Variants in ZNF563 observed in about 807,000 individuals in gnomAD.
ZNF563 encodes the protein zinc finger protein 563.
Under a neutral mutation model 48.5 loss-of-function variants are expected in ZNF563, and 39 were observed. The observed-to-expected ratio is 0.80, with a 90% confidence interval of 0.62 to 1.05. The LOEUF (loss-of-function observed/expected upper bound fraction) is 1.05. Among genes scored for constraint, ZNF563 ranks in the 50% least tolerant of loss-of-function variants. The probability of loss-of-function intolerance (pLI) is 0.00; values close to 1 mark genes in which losing one functional copy is unlikely to be tolerated. For synonymous variants in ZNF563, 168 were observed against 187.9 expected (o/e 0.89, Z 0.87); for missense variants, 538 against 597.0 (o/e 0.90, Z 1.03).
At chr19:12,326,707 A>C (rs1227572524) in intron 1 of ZNF563, among the ~76,000 whole-genome samples, 1 of 152,164 alleles carries the variant, frequency 6.6e-6, no homozygotes, top group Non-Finnish European at 1.5e-5. Flanking sequence ...GAAGCGGGAA[A>C]GGTCAGGGGA....
At chr19:12,333,360 G>T in intron 1 of ZNF563, 120 bp downstream of exon 1, 1 of 1,376,738 alleles carries the variant, frequency 7.3e-7, no homozygotes. Context: ...TGCGCCAGGG[G>T]GACTCGGGTC....
In ZNF563 at chr19:12,318,386, C is replaced by A; in HGVS notation, c.*208G>T. On this transcript the variant is annotated 3_prime_UTR_variant, in exon 4 of 4. Transcript: ENST00000293725. ...TGCTCTGTGAGTTGTTTTATGTTGACAATGGTGTTAAAAAAAAATCGATCA... is the reference window on the plus strand; with the variant it reads ...TGCTCTGTGAGTTGTTTTATGTTGAAAATGGTGTTAAAAAAAAATCGATCA... 3.4e-6 allele frequency: 2 copies of A among 595,556 alleles called. No homozygotes were observed. Among genetic ancestry groups the A allele is most frequent in the South Asian group, 2.2e-5 (1 of 45,070 alleles). The allele number at this position is 595,556 out of a possible 1,614,324, so 36.9% of individuals were successfully genotyped here.
At chr19:12,319,858 C>T (rs1219167644) in intron 3 of ZNF563, 25 bp from the exon 4 acceptor site, 16 of 1,582,614 alleles carry the variant, frequency 1.0e-5, no homozygotes, top group Non-Finnish European at 1.4e-5. Context: ...TAGTACGTTA[C>T]TAAATAGTTG....
rs1968614791 is a variant in ZNF563, at chr19:12,321,264, C to A, written c.191+8G>T. On this transcript the variant is annotated splice_region_variant and intron_variant, in intron 3 of 3. Transcript: ENST00000293725. ...GAAACATAACTTTCTCCTGTGAGTGCAAATTACCTTAGATTTCTCCTAGGA... is the reference window on the plus strand; with the variant it reads ...GAAACATAACTTTCTCCTGTGAGTGAAAATTACCTTAGATTTCTCCTAGGA... The A allele has an allele frequency of 1.9e-6, 3 of 1,563,974 alleles. No homozygotes were observed. The highest frequency in any genetic ancestry group is 2.6e-6 in the Non-Finnish European group (3 of 1,154,426).
intron 1 of ZNF563, among the ~76,000 whole-genome samples, chr19:12,324,676 T>C (rs1968732707): frequency 7.3e-6 from 1 of 136,934 alleles, no homozygotes. Flanking sequence ...GAGATTGCGC[T>C]ATCGCACTTC....
chr19:12,319,972 A>G, intron 3 of ZNF563, 139 bp from the exon 4 acceptor site: 1 of 775,506 alleles, frequency 1.3e-6, no homozygotes, highest in Non-Finnish European at 2.0e-6. Context: ...GCTAGAGTGC[A>G]GCGGCACGAT....
the ZNF563 span, among the ~76,000 whole-genome samples, chr19:12,339,053 G>C: frequency 6.6e-6 from 1 of 152,090 alleles, no homozygotes; most frequent in African/African-American, 2.4e-5. Flanking sequence ...TGGCAGTGGG[G>C]TCTCTCAGGA....
the ZNF563 span, among the ~76,000 whole-genome samples, chr19:12,341,557 A>G: frequency 6.6e-6 from 1 of 152,158 alleles, no homozygotes; most frequent in Non-Finnish European, 1.5e-5. Context: ...CAAATAGAAC[A>G]GGGGGGGCTA....
At chr19:12,322,392 T>C (rs1968653538) in intron 2 of ZNF563, among the ~76,000 whole-genome samples, 193 bp downstream of exon 2, 1 of 152,202 alleles carries the variant, frequency 6.6e-6, no homozygotes, top group African/African-American at 2.4e-5. Flanking sequence ...TGCTGGTCAA[T>C]GGCGGCTTAA....
At chr19:12,329,696 C>T (rs1480041155) in intron 1 of ZNF563, among the ~76,000 whole-genome samples, 3 of 152,026 alleles carry the variant, frequency 2.0e-5, no homozygotes, top group Admixed American at 2.0e-4. Context: ...ATAGAAGACA[C>T]AGTCTACCAA....
intron 1 of ZNF563, among the ~76,000 whole-genome samples, chr19:12,326,470 C>A (rs186046532): frequency 6.6e-6 from 1 of 152,190 alleles, no homozygotes; most frequent in East Asian, 1.9e-4. Context: ...ATGGTGAAAT[C>A]TCGTCTCTAA....
the ZNF563 span, among the ~76,000 whole-genome samples, chr19:12,342,852 G>T: frequency 0.026 from 3,948 of 151,636 alleles, 55 homozygotes; most frequent in Non-Finnish European, 0.041. Flanking sequence ...TAACACATCA[G>T]AACTTATGAG....
At chr19:12,341,581 C>A in the ZNF563 span, among the ~76,000 whole-genome samples, 1 of 152,042 alleles carries the variant, frequency 6.6e-6, no homozygotes, top group Non-Finnish European at 1.5e-5. Context: ...CACTATCATA[C>A]AAAATAGAAT....
chr19:12,328,146 T>C (rs1211141658), intron 1 of ZNF563, among the ~76,000 whole-genome samples: 1 of 152,168 alleles, frequency 6.6e-6, no homozygotes, highest in Non-Finnish European at 1.5e-5. Flanking sequence ...GTCACCAAGA[T>C]GCACAAAATT....
At position 12,318,873 on chromosome 19, in the gene ZNF563, C is replaced by G. The variant is rs751358314; in HGVS notation, c.1152G>C (p.Met384Ile). ...LSHSSSFRRH[M>I]IMHTGGGPHK... ...GAGGTCCACCTCCAGTGTGCATTAT[C>G]ATGTGTCTTCGAAAGCTTGAGCTAT... The change falls in exon 4 of 4, where the codon ATG becomes ATC. Residue 384 changes from methionine (M) to isoleucine (I), a missense_variant. By Grantham distance (10) the Met-to-Ile change is conservative. Coordinates refer to ENST00000293725, the MANE Select transcript of ZNF563 (RefSeq NM_145276.3). 2.5e-6 allele frequency: 4 copies of G among 1,614,152 alleles called. No homozygotes were observed. The highest frequency in any genetic ancestry group is 2.5e-6 in the Non-Finnish European group (3 of 1,180,014).
Position 12,319,452 on chromosome 19 carries a change from T to C in ZNF563, c.573A>G (p.Gln191=), listed in dbSNP as rs1173937155. 6.2e-7 allele frequency: 1 copy of C among 1,614,134 alleles called. No homozygotes were observed. The highest frequency in any genetic ancestry group is 8.5e-7 in the Non-Finnish European group (1 of 1,180,058). ...TACATTTATAAGGTCTATTTCCACC[T>C]TGCACTACCATGTGTCTTCGAAGGT... The part of the protein sequence containing the change: ...RRNLRRHMVV[Q]GGNRPYKCKL... The change falls in exon 4 of 4, where the codon CAA becomes CAG. Residue 191 remains glutamine, a synonymous_variant. Transcript: ENST00000293725.
At chr19:12,331,902 A>G (rs1025246726) in intron 1 of ZNF563, among the ~76,000 whole-genome samples, 3 of 152,214 alleles carry the variant, frequency 2.0e-5, no homozygotes, top group African/African-American at 7.2e-5. Flanking sequence ...AGATAAAAGG[A>G]GAAGAGGCGC....
upstream of ZNF563, among the ~76,000 whole-genome samples, chr19:12,337,541 G>T (rs1407021514): frequency 6.6e-6 from 1 of 152,040 alleles, no homozygotes; most frequent in African/African-American, 2.4e-5. Flanking sequence ...TTTAAAAATG[G>T]TTTTCCGGTT....
chr19:12,323,203 A>G (rs972974174), intron 1 of ZNF563, among the ~76,000 whole-genome samples: 2 of 152,218 alleles, frequency 1.3e-5, no homozygotes, highest in African/African-American at 4.8e-5. Flanking sequence ...GTTTGTGCAA[A>G]AAGTACATTA....
Sources: allele counts gnomAD v4.1 joint callset (sites outside exome capture counted in the v4.1 genomes callset), GRCh38; gene constraint gnomAD v4.1.1; transcripts MANE v1.5; gene names NCBI Gene and HGNC (gene_info 2026-07-23, HGNC 2026-07-21).